SLC29A4: variants seen among roughly 807,000 people sequenced by gnomAD.
SLC29A4 encodes the protein solute carrier family 29 member 4.
SLC29A4 carries 36 observed loss-of-function variants against 43.9 expected under a neutral mutation model. The ratio of observed to expected loss-of-function variants is 0.82; its 90% CI spans 0.63 to 1.08. The LOEUF (loss-of-function observed/expected upper bound fraction) is 1.08. Ranked by LOEUF, SLC29A4 falls within the 50% of genes least tolerant of loss-of-function variation. SLC29A4 has a pLI of 0.00. For missense variants in SLC29A4, 869 were observed against 755.3 expected, an observed-to-expected ratio of 1.15 and a Z score of -1.77; for synonymous variants, 491 against 338.0, an observed-to-expected ratio of 1.45 and a Z score of -4.97.
chr7:5,300,805 T>C, intron 10 of SLC29A4, 143 bp downstream of exon 10: 1 of 1,163,106 alleles, frequency 8.6e-7, no homozygotes, highest in South Asian at 1.6e-5. Context: ...GCCGTAGGTG[T>C]GGGGACATTC....
Position 5,294,854 on chromosome 7 carries a change from C to CTCT in SLC29A4, c.545-5_545-4insCTT. On this transcript the variant is annotated splice_polypyrimidine_tract_variant and splice_region_variant and intron_variant, in intron 5 of 10. Coordinates refer to ENST00000396872, the MANE Select transcript of SLC29A4 (RefSeq NM_153247.4). The stretch of plus-strand genomic sequence containing the variant: ...CTCTGGGTTGTTCCTCTCTCTCTCT[C>CTCT]TTAAGTGCAGCAATCCAGCTTCTAC... 2.5e-6 allele frequency: 4 copies of CTCT among 1,612,308 alleles called. No homozygotes were observed. The Admixed American group carries it at 5.0e-5, about 20-fold the overall frequency.
chr7:5,299,423 G>A lies in SLC29A4; in HGVS notation c.1205G>A (p.Gly402Asp). Residue 402 changes from glycine (G) to aspartate (D), a missense_variant, in exon 9 of 11, where the codon GGC (glycine) becomes GAC (aspartate). By Grantham distance (94) the Gly-to-Asp change is moderately conservative. Coordinates refer to ENST00000396872, the MANE Select transcript of SLC29A4 (RefSeq NM_153247.4). ...MAVFNLSDFV[G>D]KILAALPVDW... ...GTGTTCAACCTGTCAGACTTCGTGGGCAAGGTGGGCTGCCTGCCCTGCCCG... is the reference window on the plus strand; with the variant it reads ...GTGTTCAACCTGTCAGACTTCGTGGACAAGGTGGGCTGCCTGCCCTGCCCG... The A allele has an allele frequency of 3.7e-6, 6 of 1,610,080 alleles. No homozygotes were observed. The highest frequency in any genetic ancestry group is 5.1e-6 in the Non-Finnish European group (6 of 1,178,418).
Position 5,306,708 on chromosome 7 carries a change from C to G in SLC29A4, c.*3769C>G, listed in dbSNP as rs1786537940. 6.6e-6 allele frequency: 1 copy of G among 152,136 alleles called. No homozygotes were observed. The allele number at this position is 152,136 out of a possible 1,614,324, so 9.4% of individuals were successfully genotyped here. ...GCACCCAACTTCTTCCAGTCGAATCCTGCTTCTTGGTGCCCTGATATGGCA... is the reference window on the plus strand; with the variant it reads ...GCACCCAACTTCTTCCAGTCGAATCGTGCTTCTTGGTGCCCTGATATGGCA... On this transcript the variant is annotated 3_prime_UTR_variant, in exon 11 of 11. Coordinates refer to ENST00000396872, the MANE Select transcript of SLC29A4 (RefSeq NM_153247.4).
chr7:5,290,893 C>G (rs1785262400), intron 3 of SLC29A4, 30 bp downstream of exon 3: 11 of 1,585,392 alleles, frequency 6.9e-6, no homozygotes, highest in East Asian at 4.5e-5. Flanking sequence ...CGCCCAGCCA[C>G]TCAGCATCCT....
At chr7:5,299,186 G>T in intron 8 of SLC29A4, 54 bp from the exon 9 acceptor site, 1 of 1,597,300 alleles carries the variant, frequency 6.3e-7, no homozygotes, top group South Asian at 1.1e-5. Context: ...GGTGGGGGAG[G>T]CAGGCAGGGG....
At chr7:5,300,354 C>A in intron 9 of SLC29A4, 68 bp from the exon 10 acceptor site, 1 of 1,602,078 alleles carries the variant, frequency 6.2e-7, no homozygotes, top group South Asian at 1.1e-5. Flanking sequence ...TGGCTAGAGG[C>A]TGTCGGGGGT....
chr7:5,294,451 A>G (rs4724523), intron 5 of SLC29A4, among the ~76,000 whole-genome samples: 77,100 of 151,906 alleles, frequency 0.51, 20,183 homozygotes, highest in East Asian at 0.72. Context: ...CTGACTTCTC[A>G]CTTTTGCTGC....
At position 5,302,900 on chromosome 7, in the gene SLC29A4, C is replaced by T. The variant is rs775998535; in HGVS notation, c.1554C>T (p.His518=). The T allele has an allele frequency of 6.0e-5, 97 of 1,606,310 alleles. No individual in the cohort carries two copies. The highest frequency in any genetic ancestry group is 2.1e-4 in the African/African-American group (16 of 74,798). The change falls in exon 11 of 11, where the codon CAC becomes CAT. Residue 518 remains histidine (H), a synonymous_variant. Transcript: ENST00000396872. The part of the protein sequence containing the change: ...LTRDAHGSCL[H]ASTANGSILA... ...GCGACGCTCACGGCAGCTGCCTGCA[C>T]GCCTCCACCGCCAATGGTTCCATCC...
chr7:5,297,421 C>T (rs1163009598), intron 7 of SLC29A4, among the ~76,000 whole-genome samples: 2 of 152,244 alleles, frequency 1.3e-5, no homozygotes, highest in East Asian at 1.9e-4. Flanking sequence ...CCCACTCCAC[C>T]CGCATCTGTG....
intron 1 of SLC29A4, among the ~76,000 whole-genome samples, chr7:5,283,460 G>C (rs1291826885): frequency 1.3e-5 from 2 of 150,852 alleles, no homozygotes; most frequent in African/African-American, 5.0e-5. Flanking sequence ...GAGAGGCGGG[G>C]CCTGGGCTCC....
Position 5,297,034 on chromosome 7 carries a change from G to A in SLC29A4, c.718G>A (p.Ala240Thr). The A allele has an allele frequency of 1.2e-6, 2 of 1,606,790 alleles. No individual in the cohort carries two copies. The highest frequency in any genetic ancestry group is 1.7e-6 in the Non-Finnish European group (2 of 1,179,636). Residue 240 changes from alanine to threonine, a missense_variant, in exon 7 of 11, where the codon GCG becomes ACG. Coordinates refer to ENST00000396872, the MANE Select transcript of SLC29A4 (RefSeq NM_153247.4). ...GCTCATCTTCTTCCTGGTGTCGGTG[G>A]CGCTGGAGCTGCTGTGTTTCCTGCT... ...STLIFFLVSV[A>T]LELLCFLLHL...
At chr7:5,290,229 G>GT (rs1469352917) in intron 2 of SLC29A4, among the ~76,000 whole-genome samples, 4 of 151,966 alleles carry the variant, frequency 2.6e-5, no homozygotes, top group South Asian at 2.1e-4. Flanking sequence ...AATTTTTTGG[G>GT]TTTTTTTGTA....
chr7:5,298,392 G>A (rs1037114729), intron 7 of SLC29A4, among the ~76,000 whole-genome samples: 2 of 152,136 alleles, frequency 1.3e-5, no homozygotes, highest in African/African-American at 4.8e-5. Flanking sequence ...GTGTTTGGAG[G>A]AGGGGAAAAG....
At chr7:5,301,414 TGAG>T (rs1246723243) in intron 10 of SLC29A4, among the ~76,000 whole-genome samples, 1 of 152,014 alleles carries the variant, frequency 6.6e-6, no homozygotes, top group Non-Finnish European at 1.5e-5. Flanking sequence ...AAGACCTCAC[TGAG>T]GAGGTGACTT....
At position 5,299,344 on chromosome 7, in the gene SLC29A4, T is replaced by A; in HGVS notation, c.1126T>A (p.Ser376Thr). Reference protein sequence around the residue: ...ITLCLFPGLESEIRHCILGEW... With the variant: ...ITLCLFPGLETEIRHCILGEW... ...GCTGTGCCTGTTCCCCGGCCTCGAG[T>A]CTGAGATCCGCCACTGCATCCTGGG... Residue 376 changes from serine (S) to threonine (T), a missense_variant, in exon 9 of 11, where the codon TCT becomes ACT. By Grantham distance (58) the Ser-to-Thr change is moderately conservative. Coordinates refer to ENST00000396872, the MANE Select transcript of SLC29A4 (RefSeq NM_153247.4). 2 of 1,612,038 alleles carry A rather than the reference T, an allele frequency of 1.2e-6. No individual in the cohort carries two copies. Among genetic ancestry groups the A allele is most frequent in the South Asian group, 2.2e-5 (2 of 91,008 alleles).
In SLC29A4 at chr7:5,300,530, A is replaced by C. The variant is rs368483783; in HGVS notation, c.1318A>C (p.Met440Leu). Residue 440 changes from methionine (M) to leucine (L), a missense_variant, in exon 10 of 11, where the codon ATG becomes CTG. Coordinates refer to ENST00000396872, the MANE Select transcript of SLC29A4 (RefSeq NM_153247.4). ...CATCCTGTGCGTCTACCCCAGCGGC[A>C]TGCCCGCCCTCCGTCACCCCGCCTG... ...LFILCVYPSGMPALRHPAWPC... is the reference protein window; with the variant it reads ...LFILCVYPSGLPALRHPAWPC... The C allele has an allele frequency of 6.2e-7, 1 of 1,612,212 alleles. No homozygotes were observed.
intron 9 of SLC29A4, 97 bp from the exon 10 acceptor site, chr7:5,300,325 G>A (rs1786046375): frequency 1.9e-6 from 3 of 1,573,902 alleles, no homozygotes; most frequent in Non-Finnish European, 2.6e-6. Context: ...AGGCCCAGGA[G>A]TGTTTAGGGA....
chr7:5,298,532 C>T (rs144601780), intron 7 of SLC29A4, among the ~76,000 whole-genome samples: 5 of 152,244 alleles, frequency 3.3e-5, no homozygotes, highest in Non-Finnish European at 5.9e-5. Context: ...TGGCTCACAC[C>T]TGCAATCCCA....
rs759246787 is a variant in SLC29A4, at chr7:5,300,396, G to T, written c.1210-26G>T. 8.7e-6 allele frequency: 14 copies of T among 1,609,966 alleles called. No homozygotes were observed. In the South Asian group the frequency reaches 1.3e-4, roughly 15 times the overall value. On this transcript the variant is annotated intron_variant, in intron 9 of 10. Coordinates refer to ENST00000396872, the MANE Select transcript of SLC29A4 (RefSeq NM_153247.4). Reference sequence around the variant, plus strand: ...CGAGTGGGGCTGTGGCCGGGACAGGGCGCCCACTTGCCTGGCTCTCTGCAG... The same window carrying T: ...CGAGTGGGGCTGTGGCCGGGACAGGTCGCCCACTTGCCTGGCTCTCTGCAG...
Sources: allele counts gnomAD v4.1 joint callset (sites outside exome capture counted in the v4.1 genomes callset), GRCh38; gene constraint gnomAD v4.1.1; transcripts MANE v1.5; gene names NCBI Gene and HGNC (gene_info 2026-07-23, HGNC 2026-07-21).